The following KRTAP12-1 variants were observed in gnomAD, a reference collection of about 807,000 sequenced individuals.
KRTAP12-1 encodes the protein keratin associated protein 12-1.
For missense variants in KRTAP12-1, 109 were observed against 127.2 expected, an observed-to-expected ratio of 0.86 and a Z score of 0.69; for synonymous variants, 56 against 58.8, an observed-to-expected ratio of 0.95 and a Z score of 0.22.
Position 44,681,842 on chromosome 21 carries a change from G to A in KRTAP12-1, c.282C>T (p.Ser94=). Residue 94 remains serine (S), a synonymous_variant, in exon 1 of 1, where the codon TCC becomes TCT. Transcript: ENST00000391617. ...GTCTGGAGATTCATGCTCAGCAGCA[G>A]GAAGGGGTGCTGCAGGAGATGGGTC... ...LCRPISCSTP[S]CC The A allele has an allele frequency of 6.2e-7, 1 of 1,610,770 alleles. No homozygotes were observed. The highest frequency in any genetic ancestry group is 8.5e-7 in the Non-Finnish European group (1 of 1,177,740).
rs199622339 is a variant in KRTAP12-1 at position 44,682,077 on chromosome 21, G to A, written c.47C>T (p.Ala16Val). Residue 16 changes from alanine to valine, a missense_variant, in exon 1 of 1, where the codon GCG becomes GTG. Coordinates refer to ENST00000391617, the MANE Select transcript of KRTAP12-1 (RefSeq NM_181686.2). ...CSSGCQPACC[A>V]PSPCQASCYI... is the part of the protein sequence containing the mutation. ...ACAGGATGCCTGGCAGGGGCTGGGC[G>A]CGCAGCAGGCTGGCTGGCAGCCCGA... 3.2e-4 allele frequency: 509 copies of A among 1,613,970 alleles called. 1 individual carries two copies. Among genetic ancestry groups the A allele is most frequent in the African/African-American group, 2.2e-3 (167 of 75,048 alleles).
chr21:44,681,921 G>A lies in KRTAP12-1; in HGVS notation c.203C>T (p.Pro68Leu). The change falls in exon 1 of 1, where the codon CCC (proline) becomes CTC (leucine). Residue 68 changes from proline (P) to leucine (L), a missense_variant. By Grantham distance (98) the Pro-to-Leu change is moderately conservative. Coordinates refer to ENST00000391617, the MANE Select transcript of KRTAP12-1 (RefSeq NM_181686.2). Reference sequence around the variant, plus strand: ...GCAGCACCCAGAGGACTGGCAGGAGGGAGCCGCATACACGACGGGCCTGCA... The same window carrying A: ...GCAGCACCCAGAGGACTGGCAGGAGAGAGCCGCATACACGACGGGCCTGCA... ...VSCRPVVYAA[P>L]SCQSSGCCQP... 3.7e-6 allele frequency: 6 copies of A among 1,614,088 alleles called. No individual in the cohort carries two copies. Among genetic ancestry groups the A allele is most frequent in the South Asian group, 2.2e-5 (2 of 91,078 alleles).
In KRTAP12-1 at chr21:44,681,633, C is replaced by A; in HGVS notation, c.*200G>T. 3.2e-6 allele frequency: 2 copies of A among 627,958 alleles called. No homozygotes were observed. Among genetic ancestry groups the A allele is most frequent in the East Asian group, 2.8e-5 (1 of 35,288 alleles). The allele number at this position is 627,958 out of a possible 1,614,324, so 38.9% of individuals were successfully genotyped here. ...ATGGGGTCAGAGAATGACTCTGGGA[C>A]CCCAGACTTCCCTGGGGGGATAGGC... is the stretch of plus-strand genomic sequence containing the variant. On this transcript the variant is annotated 3_prime_UTR_variant, in exon 1 of 1. Coordinates refer to ENST00000391617, the MANE Select transcript of KRTAP12-1 (RefSeq NM_181686.2).
Position 44,681,645 on chromosome 21 carries a change from C to CT in KRTAP12-1, c.*187dup. ...AATGACTCTGGGACCCCAGACTTCC[C>CT]TGGGGGGATAGGCAAGTTCAGCCAG... On this transcript the variant is annotated 3_prime_UTR_variant, in exon 1 of 1. Coordinates refer to ENST00000391617, the MANE Select transcript of KRTAP12-1 (RefSeq NM_181686.2). The CT allele has an allele frequency of 1.3e-6, 1 of 751,754 alleles. No individual in the cohort carries two copies. The highest frequency in any genetic ancestry group is 2.1e-6 in the Non-Finnish European group (1 of 484,596). The allele number at this position is 751,754 out of a possible 1,614,324, so 46.6% of individuals were successfully genotyped here.
chr21:44,681,983 G>T lies in KRTAP12-1; in HGVS notation c.141C>A (p.Pro47=), dbSNP rs782585933. 1 of 1,613,132 alleles carries T rather than the reference G, an allele frequency of 6.2e-7. No homozygotes were observed. Among genetic ancestry groups the T allele is most frequent in the Non-Finnish European group, 8.5e-7 (1 of 1,179,324 alleles). The change falls in exon 1 of 1, where the codon CCC becomes CCA. Residue 47 remains proline, a synonymous_variant. Coordinates refer to ENST00000391617, the MANE Select transcript of KRTAP12-1 (RefSeq NM_181686.2). ...CGCACACAGAGGACTGGCATCTCAC[G>T]GGCACACACACGGCTGGCTTGAAGC... The part of the protein sequence containing the change: ...PVSFKPAVCV[P]VRCQSSVCVP...
rs1250789996 is a variant in KRTAP12-1 at position 44,681,672 on chromosome 21, G to T, written c.*161C>A. On this transcript the variant is annotated 3_prime_UTR_variant, in exon 1 of 1. Transcript: ENST00000391617. Reference sequence around the variant, plus strand: ...GGGGGGATAGGCAAGTTCAGCCAGGGCTCCAGATCATTCTATTATATTCTC... The same window carrying T: ...GGGGGGATAGGCAAGTTCAGCCAGGTCTCCAGATCATTCTATTATATTCTC... 1.0e-6 allele frequency: 1 copy of T among 985,750 alleles called. No homozygotes were observed. Among genetic ancestry groups the T allele is most frequent in the Non-Finnish European group, 1.5e-6 (1 of 688,280 alleles). The allele number at this position is 985,750 out of a possible 1,614,324, so 61.1% of individuals were successfully genotyped here. A position where few individuals can be genotyped will look rare whatever the true frequency, so the allele number is the denominator to read the frequency against.
rs1555948023 is a variant in KRTAP12-1 at position 44,681,854 on chromosome 21, G to A, written c.270C>T (p.Cys90=). 2 of 1,612,446 alleles carry A rather than the reference G, an allele frequency of 1.2e-6. No homozygotes were observed. Residue 90 remains cysteine, a synonymous_variant, in exon 1 of 1, where the codon TGC becomes TGT. Transcript: ENST00000391617. ...ATGCTCAGCAGCAGGAAGGGGTGCTGCAGGAGATGGGTCTGCAGAGGACGC... is the reference window on the plus strand; with the variant it reads ...ATGCTCAGCAGCAGGAAGGGGTGCTACAGGAGATGGGTCTGCAGAGGACGC... ...CTSVLCRPIS[C]STPSCC
chr21:44,681,695 C>T lies in KRTAP12-1; in HGVS notation c.*138G>A, dbSNP rs1601560320. ...GGGCTCCAGATCATTCTATTATATT[C>T]TCGATCCAGAATTCAGAGGGTTCAC... On this transcript the variant is annotated 3_prime_UTR_variant, in exon 1 of 1. Transcript: ENST00000391617. 5.9e-6 allele frequency: 7 copies of T among 1,189,148 alleles called. No homozygotes were observed. The highest frequency in any genetic ancestry group is 1.6e-5 in the South Asian group (1 of 61,192). The allele number at this position is 1,189,148 out of a possible 1,614,324, so 73.7% of individuals were successfully genotyped here. A position where few individuals can be genotyped will look rare whatever the true frequency, so the allele number is the denominator to read the frequency against.
Position 44,681,795 on chromosome 21 carries a change from T to G in KRTAP12-1, c.*38A>C, listed in dbSNP as rs1262893860. ...ATCCAGGGAGTGTACAGGTGTGGCC[T>G]CATCTGCACTGGGAGCAGCGGGTCT... On this transcript the variant is annotated 3_prime_UTR_variant, in exon 1 of 1. Coordinates refer to ENST00000391617, the MANE Select transcript of KRTAP12-1 (RefSeq NM_181686.2). 3.8e-6 allele frequency: 6 copies of G among 1,577,952 alleles called. No individual in the cohort carries two copies. Among genetic ancestry groups the G allele is most frequent in the Non-Finnish European group, 5.2e-6 (6 of 1,159,804 alleles).
At position 44,681,992 on chromosome 21, in the gene KRTAP12-1, C is replaced by T; in HGVS notation, c.132G>A (p.Val44=). 6.2e-7 allele frequency: 1 copy of T among 1,610,140 alleles called. No individual in the cohort carries two copies. The highest frequency in any genetic ancestry group is 1.1e-5 in the South Asian group (1 of 90,802). ...AGGACTGGCATCTCACGGGCACACA[C>T]ACGGCTGGCTTGAAGCTCACGGGCA... The part of the protein sequence containing the change: ...VCVPVSFKPA[V]CVPVRCQSSV... Residue 44 remains valine (V), a synonymous_variant, in exon 1 of 1, where the codon GTG becomes GTA. Coordinates refer to ENST00000391617, the MANE Select transcript of KRTAP12-1 (RefSeq NM_181686.2).
rs1986626022 is a variant in KRTAP12-1 at position 44,682,044 on chromosome 21, G to A, written c.80C>T (p.Pro27Leu). 6.2e-7 allele frequency: 1 copy of A among 1,614,090 alleles called. No individual in the cohort carries two copies. Among genetic ancestry groups the A allele is most frequent in the Non-Finnish European group, 8.5e-7 (1 of 1,179,952 alleles). The change falls in exon 1 of 1, where the codon CCC (proline) becomes CTC (leucine). Residue 27 changes from proline to leucine, a missense_variant. Pro to Leu is a moderately conservative substitution (Grantham distance 98). Transcript: ENST00000391617. ...PSPCQASCYI[P>L]VGCQSSVCVP... Reference sequence around the variant, plus strand: ...GCACACGGAGGACTGGCAGCCCACGGGGATGTAACAGGATGCCTGGCAGGG... The same window carrying A: ...GCACACGGAGGACTGGCAGCCCACGAGGATGTAACAGGATGCCTGGCAGGG...
In KRTAP12-1 at chr21:44,681,944, G is replaced by C; in HGVS notation, c.180C>G (p.Cys60Trp). 6.2e-7 allele frequency: 1 copy of C among 1,614,172 alleles called. No individual in the cohort carries two copies. Among genetic ancestry groups the C allele is most frequent in the Non-Finnish European group, 8.5e-7 (1 of 1,180,014 alleles). Residue 60 changes from cysteine to tryptophan, a missense_variant, in exon 1 of 1, where the codon TGC (cysteine) becomes TGG (tryptophan). Transcript: ENST00000391617. The part of the protein sequence containing the change: ...CQSSVCVPVS[C>W]RPVVYAAPSC... ...AGGGAGCCGCATACACGACGGGCCTGCAGCTCACGGGCACGCACACAGAGG... is the reference window on the plus strand; with the variant it reads ...AGGGAGCCGCATACACGACGGGCCTCCAGCTCACGGGCACGCACACAGAGG...
At chr21:44,682,093 G>A in the KRTAP12-1 span, 4 of 1,613,898 alleles carry the variant, frequency 2.5e-6, no homozygotes, top group Admixed American at 3.3e-5. Flanking sequence ...CAGGCTGGCT[G>A]GCAGCCCGAG....
At position 44,681,887 on chromosome 21, in the gene KRTAP12-1, G is replaced by A. The variant is rs1555948043; in HGVS notation, c.237C>T (p.Ser79=). The A allele has an allele frequency of 4.3e-6, 7 of 1,614,012 alleles. No homozygotes were observed. The highest frequency in any genetic ancestry group is 1.3e-5 in the African/African-American group (1 of 74,920). The change falls in exon 1 of 1, where the codon TCC becomes TCT. Residue 79 remains serine (S), a synonymous_variant. Transcript: ENST00000391617. ...SCQSSGCCQP[S]CTSVLCRPIS... Reference sequence around the variant, plus strand: ...TGGGTCTGCAGAGGACGCTGGTGCAGGAAGGCTGGCAGCACCCAGAGGACT... The same window carrying A: ...TGGGTCTGCAGAGGACGCTGGTGCAAGAAGGCTGGCAGCACCCAGAGGACT...
Position 44,682,001 on chromosome 21 carries a change from C to T in KRTAP12-1, c.123G>A (p.Lys41=). The change falls in exon 1 of 1, where the codon AAG becomes AAA. Residue 41 remains lysine (K), a synonymous_variant. Coordinates refer to ENST00000391617, the MANE Select transcript of KRTAP12-1 (RefSeq NM_181686.2). ...ATCTCACGGGCACACACACGGCTGG[C>T]TTGAAGCTCACGGGCACGCACACGG... ...QSSVCVPVSF[K]PAVCVPVRCQ... 6.2e-7 allele frequency: 1 copy of T among 1,610,198 alleles called. No individual in the cohort carries two copies. The highest frequency in any genetic ancestry group is 8.5e-7 in the Non-Finnish European group (1 of 1,176,864).
chr21:44,681,885 C>T lies in KRTAP12-1; in HGVS notation c.239G>A (p.Cys80Tyr), dbSNP rs568436407. Residue 80 changes from cysteine (C) to tyrosine (Y), a missense_variant, in exon 1 of 1, where the codon TGC (cysteine) becomes TAC (tyrosine). Coordinates refer to ENST00000391617, the MANE Select transcript of KRTAP12-1 (RefSeq NM_181686.2). Reference sequence around the variant, plus strand: ...GATGGGTCTGCAGAGGACGCTGGTGCAGGAAGGCTGGCAGCACCCAGAGGA... The same window carrying T: ...GATGGGTCTGCAGAGGACGCTGGTGTAGGAAGGCTGGCAGCACCCAGAGGA... ...CQSSGCCQPS[C>Y]TSVLCRPISC... 2.5e-6 allele frequency: 4 copies of T among 1,614,036 alleles called. No homozygotes were observed. In the African/African-American group the frequency reaches 5.3e-5, roughly 22 times the overall value.
Position 44,681,947 on chromosome 21 carries a change from G to T in KRTAP12-1, c.177C>A (p.Ser59Arg), listed in dbSNP as rs547393657. The T allele has an allele frequency of 6.2e-7, 1 of 1,613,954 alleles. No homozygotes were observed. The highest frequency in any genetic ancestry group is 1.1e-5 in the South Asian group (1 of 91,070). ...RCQSSVCVPV[S>R]CRPVVYAAPS... ...GAGCCGCATACACGACGGGCCTGCAGCTCACGGGCACGCACACAGAGGACT... is the reference window on the plus strand; with the variant it reads ...GAGCCGCATACACGACGGGCCTGCATCTCACGGGCACGCACACAGAGGACT... Residue 59 changes from serine to arginine, a missense_variant, in exon 1 of 1, where the codon AGC (serine) becomes AGA (arginine). Physicochemically the swap from Ser to Arg is moderately radical, Grantham distance 110. Coordinates refer to ENST00000391617, the MANE Select transcript of KRTAP12-1 (RefSeq NM_181686.2).
rs1250789996 is a variant in KRTAP12-1, at chr21:44,681,672, G to A, written c.*161C>T. On this transcript the variant is annotated 3_prime_UTR_variant, in exon 1 of 1. Coordinates refer to ENST00000391617, the MANE Select transcript of KRTAP12-1 (RefSeq NM_181686.2). ...GGGGGGATAGGCAAGTTCAGCCAGG[G>A]CTCCAGATCATTCTATTATATTCTC... 4.1e-6 allele frequency: 4 copies of A among 985,634 alleles called. No individual in the cohort carries two copies. In the East Asian group the frequency reaches 7.8e-5, roughly 19 times the overall value. 61.1% of individuals were successfully genotyped at this position (985,634 alleles called of 1,614,324 possible). A position where few individuals can be genotyped will look rare whatever the true frequency, so the allele number is the denominator to read the frequency against.
In KRTAP12-1 at chr21:44,681,743, C is replaced by T; in HGVS notation, c.*90G>A. 1 of 1,426,786 alleles carries T rather than the reference C, an allele frequency of 7.0e-7. No individual in the cohort carries two copies. Among genetic ancestry groups the T allele is most frequent in the Admixed American group, 2.1e-5 (1 of 47,868 alleles). 88.4% of individuals were successfully genotyped at this position (1,426,786 alleles called of 1,614,324 possible). A position where few individuals can be genotyped will look rare whatever the true frequency, so the allele number is the denominator to read the frequency against. On this transcript the variant is annotated 3_prime_UTR_variant, in exon 1 of 1. Transcript: ENST00000391617. The stretch of plus-strand genomic sequence containing the variant: ...CACTGAGCATGCTTTTCACCTGCAC[C>T]ATGTGCAGAAGACCAACTGAGGACT...
Sources: allele counts gnomAD v4.1 joint callset, GRCh38; gene constraint gnomAD v4.1.1; transcripts MANE v1.5; gene names NCBI Gene and HGNC (gene_info 2026-07-23, HGNC 2026-07-21).